Variants in MMP16 observed in about 807,000 individuals in gnomAD.
MMP16 encodes the protein matrix metallopeptidase 16.
In MMP16, 12 loss-of-function variants were observed where a neutral mutation model predicts 67.8. That is an observed-to-expected ratio of 0.18 (90% CI 0.11 to 0.29). The LOEUF is 0.29. Among genes scored for constraint, MMP16 ranks in the 10% least tolerant of loss-of-function variants. The pLI is 1.00. For synonymous variants in MMP16, 249 were observed against 255.9 expected, an observed-to-expected ratio of 0.97 and a Z score of 0.26; for missense variants, 475 against 765.7, an observed-to-expected ratio of 0.62 and a Z score of 4.48.
chr8:88,261,637 G>A lies in MMP16; in HGVS notation c.133-64331C>T, dbSNP rs530533099. On this transcript the variant is annotated intron_variant, in intron 1 of 9. Coordinates refer to ENST00000286614, the MANE Select transcript of MMP16 (RefSeq NM_005941.5). ...AAAGATACCAGGAAATGGAGACTGC[G>A]TATCATCATCATACTTAAGACCAGA... 2.0e-4 allele frequency among the ~76,000 whole-genome samples: 30 copies of A among 152,074 alleles called. No individual in the cohort carries two copies. The East Asian group carries it at 4.6e-3, about 24-fold the overall frequency.
At chr8:88,101,808 C>A (rs962911936) in intron 6 of MMP16, among the ~76,000 whole-genome samples, 1 of 151,842 alleles carries the variant, frequency 6.6e-6, no homozygotes, top group Admixed American at 6.6e-5. Flanking sequence ...ATTATAGCTT[C>A]TTTTTACAGA....
At chr8:88,125,700 C>A (rs1208231697) in intron 4 of MMP16, among the ~76,000 whole-genome samples, 1 of 151,830 alleles carries the variant, frequency 6.6e-6, no homozygotes, top group East Asian at 1.9e-4. Flanking sequence ...TGAAGAAAAG[C>A]AAGATTGGAT....
At chr8:88,072,039 T>C (rs1478092649) in intron 7 of MMP16, among the ~76,000 whole-genome samples, 1 of 152,008 alleles carries the variant, frequency 6.6e-6, no homozygotes, top group African/African-American at 2.4e-5. Flanking sequence ...TTAAAATATA[T>C]GGTTTGTCAG....
intron 4 of MMP16, among the ~76,000 whole-genome samples, chr8:88,148,411 G>A (rs1808331391): frequency 6.6e-6 from 1 of 152,200 alleles, no homozygotes; most frequent in Non-Finnish European, 1.5e-5. Context: ...CTATTTGCAT[G>A]ATAGCCACCG....
intron 1 of MMP16, among the ~76,000 whole-genome samples, chr8:88,246,611 G>A (rs1448451374): frequency 1.3e-5 from 2 of 152,090 alleles, no homozygotes; most frequent in South Asian, 2.1e-4. Flanking sequence ...GAATGCTTAC[G>A]GAAATGTGTG....
chr8:88,154,632 C>A (rs961429433), intron 4 of MMP16, among the ~76,000 whole-genome samples: 4 of 150,746 alleles, frequency 2.7e-5, no homozygotes, highest in Admixed American at 2.6e-4. Context: ...AAACCAAACA[C>A]CGCATATTCT....
At chr8:88,133,818 C>A (rs995046244) in intron 4 of MMP16, among the ~76,000 whole-genome samples, 1 of 151,728 alleles carries the variant, frequency 6.6e-6, no homozygotes, top group Non-Finnish European at 1.5e-5. Context: ...ACTATCATAT[C>A]ATCATCTAAC....
In MMP16 at chr8:88,131,301, C is replaced by T. The variant is rs142740620; in HGVS notation, c.710-12440G>A. 6.9e-3 allele frequency among the ~76,000 whole-genome samples: 950 copies of T among 138,222 alleles called. 2 individuals are homozygous for T. Among genetic ancestry groups the T allele is most frequent in the Non-Finnish European group, 0.012 (740 of 63,172 alleles). The allele number at this position is 138,222 out of a possible 152,430, so 90.7% of individuals were successfully genotyped here. A position where few individuals can be genotyped will look rare whatever the true frequency, so the allele number is the denominator to read the frequency against. Reference sequence around the variant, plus strand: ...CACACACACACACACACACAATCTTCCATAAATTTCATCACCTAAACTAAC... The same window carrying T: ...CACACACACACACACACACAATCTTTCATAAATTTCATCACCTAAACTAAC... On this transcript the variant is annotated intron_variant, in intron 4 of 9. Coordinates refer to ENST00000286614, the MANE Select transcript of MMP16 (RefSeq NM_005941.5).
intron 1 of MMP16, among the ~76,000 whole-genome samples, chr8:88,213,238 T>C (rs1379255003): frequency 2.6e-5 from 4 of 152,160 alleles, no homozygotes; most frequent in African/African-American, 7.2e-5. Context: ...TCTTACATGT[T>C]ACTCATCTGT....
intron 6 of MMP16, among the ~76,000 whole-genome samples, chr8:88,100,123 T>C (rs549515882): frequency 5.9e-5 from 9 of 152,112 alleles, no homozygotes; most frequent in Admixed American, 1.3e-4. Context: ...TTGGCTTTTG[T>C]TGCCATTGCT....
chr8:88,277,643 T>C (rs1398538700), intron 1 of MMP16, among the ~76,000 whole-genome samples: 1 of 152,236 alleles, frequency 6.6e-6, no homozygotes, highest in Non-Finnish European at 1.5e-5. Context: ...TAATTATGGT[T>C]ACTTAACTAT....
chr8:88,141,509 TC>T (rs960955720), intron 4 of MMP16, among the ~76,000 whole-genome samples: 1 of 152,124 alleles, frequency 6.6e-6, no homozygotes, highest in Admixed American at 6.5e-5. Context: ...ACAACCTGAA[TC>T]CCCACCTACA....
intron 9 of MMP16, among the ~76,000 whole-genome samples, chr8:88,044,618 T>G (rs534352132): frequency 6.6e-6 from 1 of 152,272 alleles, no homozygotes; most frequent in African/African-American, 2.4e-5. Flanking sequence ...TTCTAGAAAA[T>G]AAATTAACGA....
chr8:88,165,191 A>G (rs963654576), intron 4 of MMP16, among the ~76,000 whole-genome samples: 1 of 150,994 alleles, frequency 6.6e-6, no homozygotes, highest in Non-Finnish European at 1.5e-5. Context: ...AAAAAAAAAA[A>G]AAAAAAAAGA....
chr8:88,186,786 GT>G (rs1809081854), intron 2 of MMP16, among the ~76,000 whole-genome samples, 188 bp from the exon 3 acceptor site: 2 of 152,076 alleles, frequency 1.3e-5, no homozygotes, highest in African/African-American at 2.4e-5. Flanking sequence ...AGATAGCATA[GT>G]TTTTCCTGAA....
chr8:88,105,873 T>A (rs371511315), intron 6 of MMP16, among the ~76,000 whole-genome samples: 68 of 151,086 alleles, frequency 4.5e-4, no homozygotes, highest in Middle Eastern at 3.4e-3. Flanking sequence ...TAAAACTGCA[T>A]GACAAAAAAG....
Position 88,197,322 on chromosome 8 carries a change from C to G in MMP16, c.133-16G>C. 1 of 1,533,848 alleles carries G rather than the reference C, an allele frequency of 6.5e-7. No individual in the cohort carries two copies. The highest frequency in any genetic ancestry group is 8.8e-7 in the Non-Finnish European group (1 of 1,142,792). On this transcript the variant is annotated splice_polypyrimidine_tract_variant and intron_variant, in intron 1 of 9. Transcript: ENST00000286614. ...GTAACCAAACCTGCAATAACAAGTACAGTTTCTTTTAGATCAATTTTACAA... is the reference window on the plus strand; with the variant it reads ...GTAACCAAACCTGCAATAACAAGTAGAGTTTCTTTTAGATCAATTTTACAA...
intron 4 of MMP16, among the ~76,000 whole-genome samples, chr8:88,143,524 T>C (rs751822493): frequency 6.6e-6 from 1 of 152,070 alleles, no homozygotes; most frequent in Non-Finnish European, 1.5e-5. Context: ...CACCTCTAGT[T>C]TGATTTTATT....
intron 2 of MMP16, among the ~76,000 whole-genome samples, chr8:88,195,894 C>G (rs966785582): frequency 6.6e-6 from 1 of 152,004 alleles, no homozygotes; most frequent in Non-Finnish European, 1.5e-5. Flanking sequence ...TAAAGGTTTT[C>G]CTGTGTTGAT....
Sources: gnomAD v4.1 joint callset for allele counts (sites outside exome capture counted in the v4.1 genomes callset) on GRCh38, gnomAD v4.1.1 for gene constraint, MANE v1.5 for transcripts, NCBI Gene and HGNC (gene_info 2026-07-23, HGNC 2026-07-21) for gene names.